LCA5: variants seen among roughly 807,000 people sequenced by gnomAD.
LCA5 encodes lebercilin.
In LCA5, 37 loss-of-function variants were observed where a neutral mutation model predicts 53.0. The observed-to-expected ratio is 0.70, with a 90% confidence interval of 0.54 to 0.92. The LOEUF (loss-of-function observed/expected upper bound fraction) is 0.92, where lower values mean the gene tolerates loss of function less well. LCA5 is among the 40% of genes least tolerant of loss of function. LCA5 has a pLI of 0.00. For synonymous variants in LCA5, 303 were observed against 282.9 expected (o/e 1.07, Z -0.71); for missense variants, 806 against 790.5 (o/e 1.02, Z -0.23).
chr6:79,496,759 T>C (rs1185626523), intron 3 of LCA5, among the ~76,000 whole-genome samples: 1 of 152,118 alleles, frequency 6.6e-6, no homozygotes, highest in Non-Finnish European at 1.5e-5. Context: ...GTGTAAGTTT[T>C]AAAAAATGAA....
At position 79,488,866 on chromosome 6, in the gene LCA5, A is replaced by C. The variant is rs1328265839; in HGVS notation, c.1231+218T>G. 23 of 589,100 alleles carry C rather than the reference A, an allele frequency of 3.9e-5. No homozygotes were observed. The East Asian group carries it at 6.4e-4, about 16-fold the overall frequency. 36.5% of individuals were successfully genotyped at this position (589,100 alleles called of 1,614,324 possible). ...AACTTGTCCTTATTCCCTAACCCTA[A>C]ATAGCAAATGACTTAGAGTGTTCAA... On this transcript the variant is annotated intron_variant, in intron 7 of 7. Coordinates refer to ENST00000369846, the MANE Select transcript of LCA5 (RefSeq NM_001122769.3).
At position 79,488,844 on chromosome 6, in the gene LCA5, T is replaced by G. The variant is rs1423476634; in HGVS notation, c.1231+240A>C. 5.5e-6 allele frequency: 3 copies of G among 545,398 alleles called. No individual in the cohort carries two copies. The African/African-American group carries it at 5.7e-5, about 10-fold the overall frequency. 33.8% of individuals were successfully genotyped at this position (545,398 alleles called of 1,614,324 possible). On this transcript the variant is annotated intron_variant, in intron 7 of 7. Transcript: ENST00000369846. ...TTCATCAGAATTTTCTGAATGCAAC[T>G]TGTCCTTATTCCCTAACCCTAAATA...
intron 1 of LCA5, among the ~76,000 whole-genome samples, chr6:79,525,503 C>T (rs1412569329): frequency 6.6e-6 from 1 of 152,174 alleles, no homozygotes; most frequent in African/African-American, 2.4e-5. Context: ...GCCAGCCAAA[C>T]AAAAATTTCC....
rs753342684 is a variant in LCA5 at position 79,487,556 on chromosome 6, G to A, written c.1542C>T (p.Ser514=). The A allele has an allele frequency of 1.2e-5, 19 of 1,613,278 alleles. No homozygotes were observed. Among genetic ancestry groups the A allele is most frequent in the Non-Finnish European group, 1.4e-5 (17 of 1,179,398 alleles). Residue 514 remains serine, a synonymous_variant, in exon 8 of 8, where the codon TCC becomes TCT. Transcript: ENST00000369846. The stretch of plus-strand genomic sequence containing the variant: ...GATGCCCATTAAATAATCTCTCTGA[G>A]GATTCAGAGAACCTGTATGTTTTGG... The part of the protein sequence containing the change: ...RSPKTYRFSE[S]SERLFNGHHL...
rs1368179946 is a variant in LCA5 at position 79,492,642 on chromosome 6, C to T, written c.864G>A (p.Lys288=). ...VQRLYHKLKE[K]ERELDIKNIY... The stretch of plus-strand genomic sequence containing the variant: ...TATTTTTTATATCCAGTTCTCTCTC[C>T]TTTTCCTGAAAACAAACGCAATACA... The change falls in exon 5 of 8, where the codon AAG becomes AAA. Residue 288 remains lysine, a synonymous_variant. Coordinates refer to ENST00000369846, the MANE Select transcript of LCA5 (RefSeq NM_001122769.3). The T allele has an allele frequency of 6.6e-7, 1 of 1,505,982 alleles. No individual in the cohort carries two copies. The highest frequency in any genetic ancestry group is 1.8e-5 in the Admixed American group (1 of 56,430). 93.3% of individuals were successfully genotyped at this position (1,505,982 alleles called of 1,614,324 possible).
Position 79,487,477 on chromosome 6 carries a change from T to G in LCA5, c.1621A>C (p.Asn541His), listed in dbSNP as rs772491115. The change falls in exon 8 of 8, where the codon AAT (asparagine) becomes CAT (histidine). Residue 541 changes from asparagine (N) to histidine (H), a missense_variant. Coordinates refer to ENST00000369846, the MANE Select transcript of LCA5 (RefSeq NM_001122769.3). ...TTAGGGGAGGCTGGACTTCTAACAT[T>G]TCCTGAATTCTGACCTTCTCCTTTT... ...TPKGEGQNSG[N>H]VRSPASPNEF... 8.1e-6 allele frequency: 13 copies of G among 1,613,898 alleles called. 1 individual carries two copies. The East Asian group carries it at 1.3e-4, about 17-fold the overall frequency.
At chr6:79,513,040 C>A in intron 3 of LCA5, 172 bp downstream of exon 3, 1 of 670,196 alleles carries the variant, frequency 1.5e-6, no homozygotes, top group Non-Finnish European at 2.7e-6. Context: ...TGTACACAAT[C>A]TTTTGCATCT....
At chr6:79,493,853 G>C (rs1562096993) in intron 3 of LCA5, 103 bp from the exon 4 acceptor site, 2 of 852,668 alleles carry the variant, frequency 2.3e-6, no homozygotes, top group Non-Finnish European at 3.6e-6. Context: ...TATTGTCCAA[G>C]ACCTACAAAT....
chr6:79,523,319 C>T (rs1201805491), intron 1 of LCA5, among the ~76,000 whole-genome samples: 1 of 151,888 alleles, frequency 6.6e-6, no homozygotes, highest in Admixed American at 6.6e-5. Flanking sequence ...AATATTTACA[C>T]ATGAAAAAAA....
intron 3 of LCA5, among the ~76,000 whole-genome samples, chr6:79,505,128 T>C (rs1397645199): frequency 6.6e-6 from 1 of 152,318 alleles, no homozygotes; most frequent in African/African-American, 2.4e-5. Flanking sequence ...ACTTTTTCAA[T>C]GGGAAGGTTA....
intron 3 of LCA5, among the ~76,000 whole-genome samples, chr6:79,512,527 G>A (rs1766261213): frequency 6.6e-6 from 1 of 152,112 alleles, no homozygotes; most frequent in Admixed American, 6.5e-5. Context: ...CACGCTCACA[G>A]CAAGCATTAT....
At chr6:79,515,538 AC>A (rs1033086955) in intron 2 of LCA5, among the ~76,000 whole-genome samples, 3 of 152,204 alleles carry the variant, frequency 2.0e-5, no homozygotes, top group African/African-American at 7.2e-5. Context: ...TATTCAGAGC[AC>A]CGGCCCTTTA....
chr6:79,516,640 AT>A (rs1766446339), intron 2 of LCA5, among the ~76,000 whole-genome samples: 1 of 151,866 alleles, frequency 6.6e-6, no homozygotes, highest in African/African-American at 2.4e-5. Context: ...CTACCTTTTT[AT>A]TTTCATTTAT....
intron 3 of LCA5, among the ~76,000 whole-genome samples, chr6:79,499,394 A>G (rs549220258): frequency 9.2e-5 from 14 of 152,226 alleles, no homozygotes; most frequent in African/African-American, 3.4e-4. Flanking sequence ...CTTCTGAGCA[A>G]GGAGAGTAGA....
At chr6:79,528,749 C>G (rs1276266249) in intron 1 of LCA5, among the ~76,000 whole-genome samples, 3 of 152,138 alleles carry the variant, frequency 2.0e-5, no homozygotes, top group African/African-American at 7.2e-5. Context: ...ATCAATTATA[C>G]TCAGATGCCC....
intron 1 of LCA5, among the ~76,000 whole-genome samples, chr6:79,535,040 T>TA (rs1767070370): frequency 6.6e-6 from 1 of 152,178 alleles, no homozygotes; most frequent in Non-Finnish European, 1.5e-5. Flanking sequence ...TGACATATGC[T>TA]AAAATAATAT....
intron 1 of LCA5, among the ~76,000 whole-genome samples, chr6:79,531,006 C>T (rs922638894): frequency 6.6e-6 from 1 of 152,000 alleles, no homozygotes; most frequent in Non-Finnish European, 1.5e-5. Flanking sequence ...CTGGACAGGA[C>T]CCTAGGAAAT....
intron 1 of LCA5, among the ~76,000 whole-genome samples, chr6:79,520,469 T>C (rs746264280): frequency 5.3e-5 from 8 of 152,156 alleles, no homozygotes; most frequent in Non-Finnish European, 7.4e-5. Context: ...CCTGACAACA[T>C]GGATTTTAGA....
chr6:79,502,097 C>T (rs1322602462), intron 3 of LCA5, among the ~76,000 whole-genome samples: 1 of 152,118 alleles, frequency 6.6e-6, no homozygotes, highest in African/African-American at 2.4e-5. Context: ...ATTTCTAACA[C>T]CTACCTCTGT....
Sources: allele counts gnomAD v4.1 joint callset (sites outside exome capture counted in the v4.1 genomes callset), GRCh38; gene constraint gnomAD v4.1.1; transcripts MANE v1.5; gene names NCBI Gene and HGNC (gene_info 2026-07-23, HGNC 2026-07-21).